Variants in HPSE2 observed in about 807,000 individuals in gnomAD.
HPSE2 encodes the protein heparanase 2 (inactive).
HPSE2 carries 38 observed loss-of-function variants against 60.5 expected under a neutral mutation model. The ratio of observed to expected loss-of-function variants is 0.63; its 90% CI spans 0.48 to 0.82. The LOEUF (loss-of-function observed/expected upper bound fraction) is 0.82, where lower values mean the gene tolerates loss of function less well. Ranked by LOEUF, HPSE2 falls within the 40% of genes least tolerant of loss-of-function variation. The probability of loss-of-function intolerance (pLI) is 0.00; values close to 1 mark genes in which losing one functional copy is unlikely to be tolerated. For missense variants in HPSE2, 713 were observed against 740.4 expected, an observed-to-expected ratio of 0.96 and a Z score of 0.43; for synonymous variants, 295 against 293.2, an observed-to-expected ratio of 1.01 and a Z score of -0.06.
At chr10:99,071,431 C>T (rs1307192711) in intron 3 of HPSE2, among the ~76,000 whole-genome samples, 2 of 152,118 alleles carry the variant, frequency 1.3e-5, no homozygotes, top group African/African-American at 2.4e-5. Context: ...TTTCACATTC[C>T]CACCAGCTGA....
intron 3 of HPSE2, among the ~76,000 whole-genome samples, chr10:99,107,363 A>G (rs1019586660): frequency 6.6e-6 from 1 of 152,304 alleles, no homozygotes; most frequent in East Asian, 1.9e-4. Context: ...CTATTCTGAT[A>G]CTGCAATTTT....
At chr10:99,002,498 C>A (rs1177478901) in intron 3 of HPSE2, among the ~76,000 whole-genome samples, 1 of 152,046 alleles carries the variant, frequency 6.6e-6, no homozygotes, top group Non-Finnish European at 1.5e-5. Context: ...AAATCTATAA[C>A]CTCAGTTTAA....
chr10:99,186,386 T>C (rs1848024961), intron 2 of HPSE2, among the ~76,000 whole-genome samples: 2 of 151,358 alleles, frequency 1.3e-5, no homozygotes, highest in Admixed American at 6.6e-5. Context: ...CTACTAAAAA[T>C]ACAAAAATTA....
chr10:98,629,296 CAGTAGCTCTTTA>C (rs1264257215), intron 7 of HPSE2, among the ~76,000 whole-genome samples: 1 of 152,206 alleles, frequency 6.6e-6, no homozygotes, highest in Admixed American at 6.5e-5. Context: ...TCACGAAGAA[CAGTAGCTCTTTA>C]AGTAACCCAA....
chr10:98,627,165 C>T (rs1589530947), intron 7 of HPSE2, among the ~76,000 whole-genome samples: 2 of 152,246 alleles, frequency 1.3e-5, no homozygotes, highest in African/African-American at 4.8e-5. Flanking sequence ...AATACTGTGT[C>T]TACAAGACCC....
chr10:98,986,234 A>G (rs574984436), intron 3 of HPSE2, among the ~76,000 whole-genome samples: 171 of 152,326 alleles, frequency 1.1e-3, no homozygotes, highest in African/African-American at 4.0e-3. Flanking sequence ...CTGACCACAT[A>G]GTTGGAAGTA....
At chr10:98,486,419 A>C (rs373390824) in intron 10 of HPSE2, among the ~76,000 whole-genome samples, 1 of 151,976 alleles carries the variant, frequency 6.6e-6, no homozygotes, top group South Asian at 2.1e-4. Flanking sequence ...ATCTTGCCCC[A>C]TGTCTCACTC....
At chr10:98,583,957 G>A (rs781028716) in intron 9 of HPSE2, among the ~76,000 whole-genome samples, 9 of 152,128 alleles carry the variant, frequency 5.9e-5, no homozygotes, top group Non-Finnish European at 8.8e-5. Flanking sequence ...GAGTAGTGCT[G>A]CTATAAAAAA....
At chr10:98,768,240 T>C (rs1950167872) in intron 3 of HPSE2, among the ~76,000 whole-genome samples, 2 of 152,122 alleles carry the variant, frequency 1.3e-5, no homozygotes, top group African/African-American at 4.8e-5. Flanking sequence ...TCCCTACACT[T>C]TTTTGTATAG....
At chr10:99,277,293 T>C in the HPSE2 span, among the ~76,000 whole-genome samples, 2 of 152,276 alleles carry the variant, frequency 1.3e-5, no homozygotes, top group Admixed American at 1.3e-4. Flanking sequence ...TCATTAATTC[T>C]CCTGGGATGT....
intron 3 of HPSE2, among the ~76,000 whole-genome samples, chr10:98,963,615 A>G (rs1955738240): frequency 6.6e-6 from 1 of 152,176 alleles, no homozygotes; most frequent in African/African-American, 2.4e-5. Flanking sequence ...ACATGAATGA[A>G]AAGTAATGGA....
chr10:98,553,235 T>G (rs971395511), intron 9 of HPSE2, among the ~76,000 whole-genome samples: 1 of 152,208 alleles, frequency 6.6e-6, no homozygotes, highest in African/African-American at 2.4e-5. Flanking sequence ...ATTCTGGGAA[T>G]ATTAAAAAGA....
At chr10:98,962,295 T>C (rs1403505955) in intron 3 of HPSE2, among the ~76,000 whole-genome samples, 3 of 133,938 alleles carry the variant, frequency 2.2e-5, no homozygotes, top group Non-Finnish European at 4.7e-5. Flanking sequence ...CATTGGTAGC[T>C]TGATGGGGAT....
intron 9 of HPSE2, among the ~76,000 whole-genome samples, chr10:98,544,413 T>G (rs189380304): frequency 1.3e-3 from 192 of 151,498 alleles, no homozygotes; most frequent in African/African-American, 4.3e-3. Flanking sequence ...ACATCCCAAT[T>G]AAAAGAACTA....
intron 3 of HPSE2, among the ~76,000 whole-genome samples, chr10:98,855,343 G>A (rs1952286603): frequency 6.6e-6 from 1 of 152,136 alleles, no homozygotes; most frequent in Non-Finnish European, 1.5e-5. Flanking sequence ...TGTGGATAGA[G>A]AGGAGGGAGA....
intron 3 of HPSE2, among the ~76,000 whole-genome samples, chr10:99,074,303 TTGAGA>T (rs1842892807): frequency 6.6e-6 from 1 of 152,190 alleles, no homozygotes; most frequent in African/African-American, 2.4e-5. Flanking sequence ...TCTGCATCTA[TTGAGA>T]TAATTATGAG....
At chr10:98,898,154 AAAAG>A (rs1439001422) in intron 3 of HPSE2, among the ~76,000 whole-genome samples, 6 of 152,152 alleles carry the variant, frequency 3.9e-5, no homozygotes, top group Non-Finnish European at 8.8e-5. Flanking sequence ...TACTGCCACT[AAAAG>A]ACAGTTTGGC....
intron 9 of HPSE2, among the ~76,000 whole-genome samples, chr10:98,524,883 G>A (rs922161870): frequency 7.9e-5 from 12 of 152,270 alleles, no homozygotes; most frequent in Admixed American, 7.2e-4. Flanking sequence ...TAACACTCAT[G>A]CTAATTATTT....
chr10:98,687,697 T>A (rs907908287), intron 6 of HPSE2, among the ~76,000 whole-genome samples: 2 of 152,236 alleles, frequency 1.3e-5, no homozygotes, highest in Admixed American at 6.5e-5. Context: ...TGTATTGCTA[T>A]GAATAATCTC....
Sources: allele counts gnomAD v4.1 joint callset (sites outside exome capture counted in the v4.1 genomes callset), GRCh38; gene constraint gnomAD v4.1.1; transcripts MANE v1.5; gene names NCBI Gene and HGNC (gene_info 2026-07-23, HGNC 2026-07-21).